The following ENTPD5 variants were observed in gnomAD, a reference collection of about 807,000 sequenced individuals.
The protein encoded by ENTPD5 is ectonucleoside triphosphate diphosphohydrolase 5 (inactive), also known as nucleoside diphosphate phosphatase ENTPD5.
ENTPD5 carries 49 observed loss-of-function variants against 60.2 expected under a neutral mutation model. The observed-to-expected ratio is 0.81, with a 90% confidence interval of 0.65 to 1.03. The LOEUF (loss-of-function observed/expected upper bound fraction) is 1.03, where lower values mean the gene tolerates loss of function less well. Ranked by LOEUF, ENTPD5 falls within the 50% of genes least tolerant of loss-of-function variation. The pLI is 0.00. For synonymous variants in ENTPD5, 187 were observed against 185.4 expected (o/e 1.01, Z -0.07); for missense variants, 480 against 507.6 (o/e 0.95, Z 0.52).
Position 73,972,999 on chromosome 14 carries a change from A to G in ENTPD5, c.912T>C (p.Tyr304=), listed in dbSNP as rs2057293237. ...CTCGTACCACCCTCAGCACTTCGGC[A>G]TAGCAGGGCTCAAAGCCCACCTCCC... ...QEGEVGFEPC[Y]AEVLRVVRGK... The change falls in exon 13 of 16, where the codon TAT becomes TAC. Residue 304 remains tyrosine (Y), a synonymous_variant. Coordinates refer to ENST00000334696, the MANE Select transcript of ENTPD5 (RefSeq NM_001249.5). The G allele has an allele frequency of 6.2e-7, 1 of 1,614,218 alleles. No homozygotes were observed. The highest frequency in any genetic ancestry group is 8.5e-7 in the Non-Finnish European group (1 of 1,180,044).
chr14:73,963,203 G>T, downstream of ENTPD5: 1 of 601,286 alleles, frequency 1.7e-6, no homozygotes, highest in Non-Finnish European at 3.0e-6. Flanking sequence ...CAGACCAAAG[G>T]AAAAAACTTC....
At chr14:73,969,420 C>T (rs973232345) in intron 15 of ENTPD5, among the ~76,000 whole-genome samples, 14 of 152,092 alleles carry the variant, frequency 9.2e-5, no homozygotes, top group Non-Finnish European at 2.1e-4. Flanking sequence ...GGGCCGGGTG[C>T]AGTGGCTCAC....
downstream of ENTPD5, chr14:73,962,847 C>A: frequency 1.2e-6 from 1 of 830,064 alleles, no homozygotes; most frequent in Non-Finnish European, 2.0e-6. Flanking sequence ...GTATATTTTT[C>A]TTTTTTTAGC....
At chr14:74,006,464 T>A (rs2058682303) in intron 3 of ENTPD5, among the ~76,000 whole-genome samples, 1 of 151,986 alleles carries the variant, frequency 6.6e-6, no homozygotes, top group Non-Finnish European at 1.5e-5. Flanking sequence ...TTTGTATTTT[T>A]AGCAGAGACG....
chr14:74,013,483 G>C (rs1236212408), intron 2 of ENTPD5, among the ~76,000 whole-genome samples: 2 of 151,632 alleles, frequency 1.3e-5, no homozygotes, highest in African/African-American at 4.9e-5. Context: ...AATATTATGA[G>C]ATCTTTTTTT....
chr14:74,000,469 A>AT (rs1309262224), intron 3 of ENTPD5, among the ~76,000 whole-genome samples: 5 of 151,230 alleles, frequency 3.3e-5, no homozygotes, highest in Non-Finnish European at 7.4e-5. Flanking sequence ...CAATTTAAAA[A>AT]ATATATATAT....
intron 3 of ENTPD5, among the ~76,000 whole-genome samples, chr14:73,994,615 C>T (rs2058270170): frequency 6.6e-6 from 1 of 151,732 alleles, no homozygotes; most frequent in Admixed American, 6.6e-5. Context: ...CACCTGTAAT[C>T]CCAACTACTT....
intron 15 of ENTPD5, among the ~76,000 whole-genome samples, chr14:73,968,228 C>A (rs953138003): frequency 6.6e-6 from 1 of 152,120 alleles, no homozygotes; most frequent in Non-Finnish European, 1.5e-5. Context: ...ACTTTAGACC[C>A]AAATTCCTCA....
chr14:73,990,803 T>C (rs1594906598), intron 3 of ENTPD5, among the ~76,000 whole-genome samples: 1 of 150,976 alleles, frequency 6.6e-6, no homozygotes, highest in East Asian at 2.0e-4. Flanking sequence ...CCGAGGCAGG[T>C]GGATCATGTA....
chr14:73,985,017 T>G (rs950250093), intron 5 of ENTPD5, among the ~76,000 whole-genome samples: 3 of 152,220 alleles, frequency 2.0e-5, no homozygotes, highest in African/African-American at 7.2e-5. Context: ...TGCGACAGTT[T>G]GCTCAGAATG....
chr14:73,958,413 C>T, downstream of ENTPD5: 1 of 1,521,876 alleles, frequency 6.6e-7, no homozygotes, highest in Non-Finnish European at 8.8e-7. Context: ...AGTACCTATT[C>T]AGGCCAGCTC....
At chr14:74,002,344 A>G (rs1344276033) in intron 3 of ENTPD5, among the ~76,000 whole-genome samples, 1 of 152,022 alleles carries the variant, frequency 6.6e-6, no homozygotes, top group Non-Finnish European at 1.5e-5. Context: ...AGAGCAGAGA[A>G]TGGTCTGAGA....
chr14:73,958,514 G>A (rs1566688120), downstream of ENTPD5: 2 of 1,352,304 alleles, frequency 1.5e-6, no homozygotes, highest in South Asian at 3.0e-5. Context: ...GGGCCTCACA[G>A]GACAGGCACC....
chr14:73,984,643 CTAA>C (rs1319047928), intron 5 of ENTPD5, among the ~76,000 whole-genome samples: 2 of 152,014 alleles, frequency 1.3e-5, no homozygotes, highest in African/African-American at 4.8e-5. Flanking sequence ...AAGTCAGTTT[CTAA>C]TAATATAGTT....
At chr14:73,988,199 G>C (rs543268523) in intron 3 of ENTPD5, 27 bp from the exon 4 acceptor site, 1 of 1,472,662 alleles carries the variant, frequency 6.8e-7, no homozygotes, top group South Asian at 1.4e-5. Flanking sequence ...ACACAAGTTA[G>C]ACCAACTAGC....
At position 73,976,417 on chromosome 14, in the gene ENTPD5, C is replaced by A; in HGVS notation, c.554-5G>T. Reference sequence around the variant, plus strand: ...GTCTGTGGCCATGCAGCTGACCTGTCAAATGAGAGCCAGCTCTAAATAGCC... The same window carrying A: ...GTCTGTGGCCATGCAGCTGACCTGTAAAATGAGAGCCAGCTCTAAATAGCC... On this transcript the variant is annotated splice_polypyrimidine_tract_variant and splice_region_variant and intron_variant, in intron 8 of 15. Coordinates refer to ENST00000334696, the MANE Select transcript of ENTPD5 (RefSeq NM_001249.5). 6.2e-7 allele frequency: 1 copy of A among 1,613,456 alleles called. No individual in the cohort carries two copies. The highest frequency in any genetic ancestry group is 1.1e-5 in the South Asian group (1 of 91,050).
In ENTPD5 at chr14:73,971,845, C is replaced by A. The variant is rs772299358; in HGVS notation, c.1084+7G>T. On this transcript the variant is annotated splice_region_variant and intron_variant, in intron 14 of 15. Transcript: ENST00000334696. ...GCTTACCTTCAAGGGCTTCCCCTGA[C>A]ACTTACCTTCCCTGGCTTTTCTTTC... 6.2e-7 allele frequency: 1 copy of A among 1,602,570 alleles called. No individual in the cohort carries two copies.
rs377432169 is a variant in ENTPD5 at position 73,977,287 on chromosome 14, C to T, written c.517+12G>A. The T allele has an allele frequency of 1.2e-6, 2 of 1,604,832 alleles. No individual in the cohort carries two copies. The highest frequency in any genetic ancestry group is 1.7e-4 in the Middle Eastern group (1 of 6,042). Reference sequence around the variant, plus strand: ...CCTCTCCCCCTGGAACGCATATCAACACCTCTCCCACCTTCGTCGGATCCA... The same window carrying T: ...CCTCTCCCCCTGGAACGCATATCAATACCTCTCCCACCTTCGTCGGATCCA... On this transcript the variant is annotated intron_variant, in intron 7 of 15. Transcript: ENST00000334696.
At chr14:73,959,093 T>C (rs1269096464), downstream of ENTPD5, 2 of 1,614,178 alleles carry the variant, frequency 1.2e-6, no homozygotes, top group Non-Finnish European at 1.7e-6. Flanking sequence ...GATCCTGAGC[T>C]GCCATCTGGG....
Sources: gnomAD v4.1 joint callset for allele counts (sites outside exome capture counted in the v4.1 genomes callset) on GRCh38, gnomAD v4.1.1 for gene constraint, MANE v1.5 for transcripts, NCBI Gene and HGNC (gene_info 2026-07-23, HGNC 2026-07-21) for gene names.